The following LVRN variants were observed in gnomAD, a reference collection of about 807,000 sequenced individuals.
LVRN encodes the protein aminopeptidase Q.
A neutral mutation model predicts 111.4 loss-of-function variants in LVRN; 99 were observed. That is an observed-to-expected ratio of 0.89 (90% CI 0.76 to 1.05). LVRN has a LOEUF of 1.05. Among genes scored for constraint, LVRN ranks in the 50% least tolerant of loss-of-function variants. LVRN has a pLI of 0.00. For missense variants in LVRN, 1,414 were observed against 1,206.8 expected (o/e 1.17, Z -2.54); for synonymous variants, 488 against 449.5 (o/e 1.09, Z -1.08).
At chr5:116,022,635 G>A (rs1468756509) in intron 19 of LVRN, among the ~76,000 whole-genome samples, 169 bp downstream of exon 19, 1 of 152,148 alleles carries the variant, frequency 6.6e-6, no homozygotes, top group Non-Finnish European at 1.5e-5. Context: ...ATCCTCCTCT[G>A]AAATAGAGAT....
intron 7 of LVRN, among the ~76,000 whole-genome samples, chr5:116,000,115 C>A (rs1468326721): frequency 1.3e-5 from 2 of 152,194 alleles, no homozygotes; most frequent in African/African-American, 4.8e-5. Flanking sequence ...GTCCATCAAC[C>A]ATAGACTTTA....
In LVRN at chr5:116,001,095, T is replaced by G; in HGVS notation, c.1676T>G (p.Leu559Trp). Residue 559 changes from leucine (L) to tryptophan (W), a missense_variant, in exon 10 of 20, where the codon TTG becomes TGG. Physicochemically the swap from Leu to Trp is moderately conservative, Grantham distance 61. Transcript: ENST00000357872. Reference protein sequence around the residue: ...MAIDDQSTVILPATIKNIMDS... With the variant: ...MAIDDQSTVIWPATIKNIMDS... ...ATAGATGACCAGAGTACAGTTATTT[T>G]GCCAGCAACAATAAAAAACATAATG... The G allele has an allele frequency of 1.2e-6, 2 of 1,611,314 alleles. No individual in the cohort carries two copies. Among genetic ancestry groups the G allele is most frequent in the Non-Finnish European group, 8.5e-7 (1 of 1,179,270 alleles).
rs745429491 is a variant in LVRN at position 115,992,173 on chromosome 5, C to G, written c.1156C>G (p.Leu386Val). ...FDNHAMENWG[L>V]MIFDESGLLL... Reference sequence around the variant, plus strand: ...CAACCATGCAATGGAAAACTGGGGACTAATGATATTTGATGAATCAGGATT... The same window carrying G: ...CAACCATGCAATGGAAAACTGGGGAGTAATGATATTTGATGAATCAGGATT... Residue 386 changes from leucine (L) to valine (V), a missense_variant, in exon 5 of 20, where the codon CTA becomes GTA. Leu to Val is a conservative substitution (Grantham distance 32). Coordinates refer to ENST00000357872, the MANE Select transcript of LVRN (RefSeq NM_173800.5). The G allele has an allele frequency of 1.2e-6, 2 of 1,613,742 alleles. No individual in the cohort carries two copies. Among genetic ancestry groups the G allele is most frequent in the Non-Finnish European group, 1.7e-6 (2 of 1,179,792 alleles).
chr5:116,025,621 G>A (rs772348712), intron 19 of LVRN, among the ~76,000 whole-genome samples: 1 of 152,118 alleles, frequency 6.6e-6, no homozygotes, highest in Non-Finnish European at 1.5e-5. Context: ...AGTTTCTTTT[G>A]AGATTTTTAA....
chr5:115,965,915 T>C (rs1233804442), intron 1 of LVRN, among the ~76,000 whole-genome samples: 1 of 152,224 alleles, frequency 6.6e-6, no homozygotes, highest in Non-Finnish European at 1.5e-5. Flanking sequence ...TATTTCTTCA[T>C]AGCAGCATGA....
intron 1 of LVRN, among the ~76,000 whole-genome samples, 159 bp downstream of exon 1, chr5:115,963,471 A>T (rs1483763853): frequency 6.6e-6 from 1 of 152,030 alleles, no homozygotes; most frequent in African/African-American, 2.4e-5. Flanking sequence ...TATTTATTTT[A>T]TTATACTTTA....
Position 116,002,896 on chromosome 5 carries a change from C to A in LVRN, c.1882C>A (p.Leu628Ile), listed in dbSNP as rs1748266861. The A allele has an allele frequency of 1.2e-6, 2 of 1,607,630 alleles. No individual in the cohort carries two copies. The highest frequency in any genetic ancestry group is 1.7e-6 in the Non-Finnish European group (2 of 1,175,016). The change falls in exon 11 of 20, where the codon CTA becomes ATA. Residue 628 changes from leucine to isoleucine, a missense_variant. Physicochemically the swap from Leu to Ile is conservative, Grantham distance 5. Coordinates refer to ENST00000357872, the MANE Select transcript of LVRN (RefSeq NM_173800.5). ...KNGTTQPLVWLDQSSKVFPEM... is the reference protein window; with the variant it reads ...KNGTTQPLVWIDQSSKVFPEM... ...TGGAACTACACAACCTTTAGTCTGG[C>A]TAGATCAAAGCAGCAGTAAGTAACA...
chr5:115,980,228 A>G (rs1342247149), intron 1 of LVRN, among the ~76,000 whole-genome samples: 1 of 152,060 alleles, frequency 6.6e-6, no homozygotes, highest in African/African-American at 2.4e-5. Context: ...AAGTCAAAAT[A>G]TCGTTACAGG....
At chr5:115,981,303 T>A (rs546477901) in intron 1 of LVRN, among the ~76,000 whole-genome samples, 1 of 152,310 alleles carries the variant, frequency 6.6e-6, no homozygotes, top group South Asian at 2.1e-4. Flanking sequence ...ACCCAGATTT[T>A]TGCCAACTAT....
At chr5:116,006,603 T>A (rs966625192) in intron 13 of LVRN, among the ~76,000 whole-genome samples, 5 of 152,190 alleles carry the variant, frequency 3.3e-5, no homozygotes, top group Non-Finnish European at 7.4e-5. Context: ...GCAAACCTGG[T>A]TCTCCTCATG....
chr5:116,014,534 G>T lies in LVRN; in HGVS notation c.2450+7G>T, dbSNP rs373148173. 76 of 1,602,358 alleles carry T rather than the reference G, an allele frequency of 4.7e-5. No homozygotes were observed. The African/African-American group carries it at 9.8e-4, about 21-fold the overall frequency. On this transcript the variant is annotated splice_region_variant and intron_variant, in intron 16 of 19. Transcript: ENST00000357872. ...TGGATCATCCAGAAAATGAGTAAGA[G>T]TAATATCATAATTCCTCTTGTTTTT...
At chr5:116,004,448 C>G (rs1428087) in intron 12 of LVRN, among the ~76,000 whole-genome samples, 92,519 of 152,026 alleles carry the variant, frequency 0.61, 28,617 homozygotes, top group East Asian at 0.74. Context: ...AGATGTCTCT[C>G]TGTTAAGTGT....
chr5:115,971,027 T>C (rs1388463632), intron 1 of LVRN, among the ~76,000 whole-genome samples: 1 of 152,222 alleles, frequency 6.6e-6, no homozygotes, highest in Non-Finnish European at 1.5e-5. Flanking sequence ...CAGTTGGTAT[T>C]GCCAGACTTT....
In LVRN at chr5:115,983,405, G is replaced by T. The variant is rs1747762848; in HGVS notation, c.814G>T (p.Ala272Ser). ...AATGATTCATCATCCAAGTTATGTG[G>T]CCCTTTCCAACATGCCAAAGCTAGG... is the stretch of plus-strand genomic sequence containing the variant. ...ITMIHHPSYV[A>S]LSNMPKLGQS... is the part of the protein sequence containing the mutation. The change falls in exon 2 of 20, where the codon GCC becomes TCC. Residue 272 changes from alanine to serine, a missense_variant. By Grantham distance (99) the Ala-to-Ser change is moderately conservative. Coordinates refer to ENST00000357872, the MANE Select transcript of LVRN (RefSeq NM_173800.5). 1 of 1,606,460 alleles carries T rather than the reference G, an allele frequency of 6.2e-7. No individual in the cohort carries two copies. The highest frequency in any genetic ancestry group is 8.5e-7 in the Non-Finnish European group (1 of 1,177,816).
intron 5 of LVRN, among the ~76,000 whole-genome samples, chr5:115,993,241 A>G (rs1229316603): frequency 5.4e-5 from 8 of 148,936 alleles, no homozygotes; most frequent in Non-Finnish European, 1.0e-4. Flanking sequence ...AATAATTAAC[A>G]GCTGAGCCAT....
chr5:115,983,264 A>T (rs1254641163), intron 1 of LVRN, 23 bp from the exon 2 acceptor site: 28 of 1,519,422 alleles, frequency 1.8e-5, no homozygotes, highest in Non-Finnish European at 2.5e-5. Flanking sequence ...AATAAATAAA[A>T]ATTTCCCCAA....
At chr5:116,005,741 A>T (rs1454817080) in intron 12 of LVRN, 171 bp from the exon 13 acceptor site, 1 of 682,050 alleles carries the variant, frequency 1.5e-6, no homozygotes, top group Non-Finnish European at 2.7e-6. Context: ...CATATGTATG[A>T]TAAATAAATT....
chr5:116,007,362 G>C (rs778494051), intron 13 of LVRN, among the ~76,000 whole-genome samples: 16 of 152,142 alleles, frequency 1.1e-4, no homozygotes, highest in Admixed American at 4.6e-4. Context: ...CCCTGCCTCA[G>C]TTAGCTTCAT....
In LVRN at chr5:115,999,822, A is replaced by T. The variant is rs1471039529; in HGVS notation, c.1435A>T (p.Thr479Ser). The T allele has an allele frequency of 6.2e-7, 1 of 1,613,472 alleles. No individual in the cohort carries two copies. Among genetic ancestry groups the T allele is most frequent in the Admixed American group, 1.7e-5 (1 of 59,976 alleles). ...NILREDHALVTRAVAMKVENF... is the reference protein window; with the variant it reads ...NILREDHALVSRAVAMKVENF... Reference sequence around the variant, plus strand: ...CCTCAGAGAAGATCACGCCCTGGTGACTAGAGCTGTGGCCATGAAGGTGGA... The same window carrying T: ...CCTCAGAGAAGATCACGCCCTGGTGTCTAGAGCTGTGGCCATGAAGGTGGA... The change falls in exon 7 of 20, where the codon ACT becomes TCT. Residue 479 changes from threonine to serine, a missense_variant. Transcript: ENST00000357872.
Sources: allele counts gnomAD v4.1 joint callset (sites outside exome capture counted in the v4.1 genomes callset), GRCh38; gene constraint gnomAD v4.1.1; transcripts MANE v1.5; gene names NCBI Gene and HGNC (gene_info 2026-07-23, HGNC 2026-07-21).